Variants in ZC2HC1B observed in about 807,000 individuals in gnomAD.
ZC2HC1B encodes zinc finger C2HC-type containing 1B.
ZC2HC1B carries 36 observed loss-of-function variants against 31.0 expected under a neutral mutation model. The observed-to-expected ratio is 1.16, with a 90% CI of 0.89 to 1.54. The LOEUF (loss-of-function observed/expected upper bound fraction) is 1.54. Among genes scored for constraint, ZC2HC1B ranks in the 40% most tolerant of loss-of-function variants. The probability of loss-of-function intolerance (pLI) is 0.00; values close to 1 mark genes in which losing one functional copy is unlikely to be tolerated. For synonymous variants in ZC2HC1B, 73 were observed against 88.0 expected (o/e 0.83, Z 0.95); for missense variants, 260 against 268.6 (o/e 0.97, Z 0.22).
chr6:143,919,202 AG>A (rs1777955902), intron 6 of ZC2HC1B, among the ~76,000 whole-genome samples: 1 of 144,864 alleles, frequency 6.9e-6, no homozygotes, highest in Non-Finnish European at 1.5e-5. Flanking sequence ...TCCCTTCTGC[AG>A]GGTTTGCTAT....
At chr6:143,919,263 G>A (rs191524543) in intron 6 of ZC2HC1B, among the ~76,000 whole-genome samples, 5,158 of 141,944 alleles carry the variant, frequency 0.036, 86 homozygotes, top group South Asian at 0.056. Context: ...GTGTGTGTGT[G>A]TGTATGTGAC....
Position 143,924,381 on chromosome 6 carries a change from T to C in ZC2HC1B, c.599-13268T>C, listed in dbSNP as rs1778012628. ...TATATATATGTATTACATATATATA[T>C]CCATGTATATATAATACACACACAC... is the stretch of plus-strand genomic sequence containing the variant. On this transcript the variant is annotated intron_variant, in intron 6 of 7. Transcript: ENST00000237275. The surrounding 1 kb of genome is among the most constrained non-coding windows in gnomAD (Gnocchi z 5.2). Among the ~76,000 whole-genome samples the C allele has an allele frequency of 6.6e-6, 1 of 151,372 alleles. No individual in the cohort carries two copies. The highest frequency in any genetic ancestry group is 6.6e-5 in the Admixed American group (1 of 15,190).
intron 1 of ZC2HC1B, among the ~76,000 whole-genome samples, chr6:143,876,706 G>C (rs1582951927): frequency 2.0e-5 from 3 of 150,776 alleles, no homozygotes; most frequent in Non-Finnish European, 4.4e-5. Context: ...CCATCTGCAA[G>C]CTGAGGAGCA....
At chr6:143,900,047 G>A (rs1777717741) in intron 5 of ZC2HC1B, among the ~76,000 whole-genome samples, 1 of 152,178 alleles carries the variant, frequency 6.6e-6, no homozygotes, top group Non-Finnish European at 1.5e-5. Context: ...CATCCAGCTT[G>A]TGGCCTGAGG....
Position 143,899,900 on chromosome 6 carries a change from A to G in ZC2HC1B, c.489+1209A>G, listed in dbSNP as rs545589084. On this transcript the variant is annotated intron_variant, in intron 5 of 7. Transcript: ENST00000237275. This position sits in a 1 kb window ranked among gnomAD's most constrained non-coding sequence, Gnocchi z 5.0. ...GGGACTTAGAGCTGGTACAGTTGGC[A>G]TATATAGGAGAGCTATGGAAGAAGA... Among the ~76,000 whole-genome samples the G allele has an allele frequency of 1.4e-4, 21 of 152,346 alleles. No homozygotes were observed. The South Asian group carries it at 4.1e-3, about 30-fold the overall frequency.
At chr6:143,892,486 T>C (rs1358767660) in intron 4 of ZC2HC1B, among the ~76,000 whole-genome samples, 1 of 151,950 alleles carries the variant, frequency 6.6e-6, no homozygotes, top group Non-Finnish European at 1.5e-5. Context: ...TTGGTAGAGG[T>C]GGGGTTTCTC....
rs151196374 is a variant in ZC2HC1B at position 143,883,319 on chromosome 6, G to A, written c.29-985G>A. Among the ~76,000 whole-genome samples the A allele has an allele frequency of 3.3e-5, 5 of 152,278 alleles. No homozygotes were observed. Among genetic ancestry groups the A allele is most frequent in the East Asian group, 1.9e-4 (1 of 5,184 alleles). The stretch of plus-strand genomic sequence containing the variant: ...CTCCCATAGTGTTGGGATTACAGGC[G>A]TGAGCCACCACACCTGACCCACCTG... On this transcript the variant is annotated intron_variant, in intron 1 of 7. Coordinates refer to ENST00000237275, the MANE Select transcript of ZC2HC1B (RefSeq NM_001013623.3). The surrounding 1 kb of genome is among the most constrained non-coding windows in gnomAD (Gnocchi z 4.1).
intron 6 of ZC2HC1B, among the ~76,000 whole-genome samples, chr6:143,932,893 T>A (rs1463268425): frequency 6.6e-6 from 1 of 152,070 alleles, no homozygotes; most frequent in African/African-American, 2.4e-5. Flanking sequence ...AGGAGCCAGA[T>A]TGTGGTGATT....
chr6:143,916,423 A>G (rs1020104096), intron 6 of ZC2HC1B, among the ~76,000 whole-genome samples: 2 of 152,226 alleles, frequency 1.3e-5, no homozygotes, highest in African/African-American at 2.4e-5. Context: ...GAGCCCCCAC[A>G]CAGAGTCCCT....
At chr6:143,889,243 T>C (rs960728954) in intron 4 of ZC2HC1B, among the ~76,000 whole-genome samples, 1 of 151,652 alleles carries the variant, frequency 6.6e-6, no homozygotes, top group African/African-American at 2.4e-5. Context: ...AGACAATACA[T>C]GGAGTAGAGA....
chr6:143,923,707 C>T lies in ZC2HC1B; in HGVS notation c.599-13942C>T, dbSNP rs574438796. Among the ~76,000 whole-genome samples the T allele has an allele frequency of 1.1e-3, 169 of 152,102 alleles. 2 individuals carry two copies. Among genetic ancestry groups the T allele is most frequent in the African/African-American group, 3.7e-3 (153 of 41,528 alleles). On this transcript the variant is annotated intron_variant, in intron 6 of 7. Coordinates refer to ENST00000237275, the MANE Select transcript of ZC2HC1B (RefSeq NM_001013623.3). The surrounding 1 kb of genome is among the most constrained non-coding windows in gnomAD (Gnocchi z 4.8). The stretch of plus-strand genomic sequence containing the variant: ...CCCTGTACCATTATTGAAGAGGATG[C>T]CTTTCCCCAATTTATATTCTTAATG...
chr6:143,925,536 CTTTTTTTTT>C (rs36007959), intron 6 of ZC2HC1B, among the ~76,000 whole-genome samples: 1 of 104,960 alleles, frequency 9.5e-6, no homozygotes, highest in Non-Finnish European at 1.9e-5. Context: ...CTTTTCTTTT[CTTTTTTTTT>C]TTTTTTTTGA....
chr6:143,906,274 T>G (rs1260460375), intron 6 of ZC2HC1B, among the ~76,000 whole-genome samples: 1 of 152,170 alleles, frequency 6.6e-6, no homozygotes, highest in East Asian at 1.9e-4. Flanking sequence ...TGTTGTGTTT[T>G]TTAGGAATTC....
rs1178546282 is a variant in ZC2HC1B, at chr6:143,911,076, TG to T, written c.598+7925del. On this transcript the variant is annotated intron_variant, in intron 6 of 7. Transcript: ENST00000237275. This position sits in a 1 kb window ranked among gnomAD's most constrained non-coding sequence, Gnocchi z 4.5. ...CCCTTTGTTGGTTTAAAGCCTGTTT[TG>T]TCAGAAACTAGGATTGCAACCCCTG... is the stretch of plus-strand genomic sequence containing the variant. 6.6e-6 allele frequency among the ~76,000 whole-genome samples: 1 copy of T among 152,238 alleles called. No individual in the cohort carries two copies. Among genetic ancestry groups the T allele is most frequent in the Non-Finnish European group, 1.5e-5 (1 of 68,042 alleles).
chr6:143,933,398 C>G lies in ZC2HC1B; in HGVS notation c.599-4251C>G, dbSNP rs1778143935. ...TCAGGTGATGGATGGGATCATAAAG[C>G]TCCCAAGAGTTTATGTCTTTTGTGA... On this transcript the variant is annotated intron_variant, in intron 6 of 7. Coordinates refer to ENST00000237275, the MANE Select transcript of ZC2HC1B (RefSeq NM_001013623.3). The surrounding 1 kb of genome is among the most constrained non-coding windows in gnomAD (Gnocchi z 6.4). 6.6e-6 allele frequency among the ~76,000 whole-genome samples: 1 copy of G among 152,090 alleles called. No homozygotes were observed. The highest frequency in any genetic ancestry group is 6.5e-5 in the Admixed American group (1 of 15,268).
intron 6 of ZC2HC1B, among the ~76,000 whole-genome samples, chr6:143,920,011 T>A (rs1054953459): frequency 5.3e-5 from 8 of 152,066 alleles, no homozygotes; most frequent in Non-Finnish European, 7.4e-5. Flanking sequence ...GAAAAAAAAA[T>A]TTAAATTGTA....
rs1393088370 is a variant in ZC2HC1B, at chr6:143,921,740, G to A, written c.599-15909G>A. ...ATGCCAGAAGTTCAAGACCAGCCTG[G>A]GCAACATAGCAAGACCCTGTCTCTA... On this transcript the variant is annotated intron_variant, in intron 6 of 7. Coordinates refer to ENST00000237275, the MANE Select transcript of ZC2HC1B (RefSeq NM_001013623.3). This position sits in a 1 kb window ranked among gnomAD's most constrained non-coding sequence, Gnocchi z 6.1. Among the ~76,000 whole-genome samples the A allele has an allele frequency of 3.9e-5, 6 of 152,020 alleles. No homozygotes were observed. Among genetic ancestry groups the A allele is most frequent in the Non-Finnish European group, 7.4e-5 (5 of 68,002 alleles).
At chr6:143,937,276 G>A (rs1346189461) in intron 6 of ZC2HC1B, among the ~76,000 whole-genome samples, 1 of 152,174 alleles carries the variant, frequency 6.6e-6, no homozygotes, top group Non-Finnish European at 1.5e-5. Context: ...CTTCTCATGT[G>A]AGAGCTAGCA....
chr6:143,879,866 C>G (rs1777448767), intron 1 of ZC2HC1B, among the ~76,000 whole-genome samples: 1 of 110,468 alleles, frequency 9.1e-6, no homozygotes, highest in African/African-American at 3.5e-5. Flanking sequence ...GGGTCTAGCT[C>G]TGTTGCCCAG....
Sources: gnomAD v4.1 joint callset for allele counts (sites outside exome capture counted in the v4.1 genomes callset) on GRCh38, gnomAD v4.1.1 for gene constraint, Gnocchi (gnomAD v3.1) non-coding constraint, MANE v1.5 for transcripts, NCBI Gene and HGNC (gene_info 2026-07-23, HGNC 2026-07-21) for gene names.